The following VSTM1 variants were observed in gnomAD, a reference collection of about 807,000 sequenced individuals.
The protein encoded by VSTM1 is V-set and transmembrane domain containing 1.
Under a neutral mutation model 33.1 loss-of-function variants are expected in VSTM1, and 27 were observed. That is an observed-to-expected ratio of 0.82 (90% CI 0.60 to 1.12). The LOEUF (loss-of-function observed/expected upper bound fraction) is 1.12. Among genes scored for constraint, VSTM1 ranks in the 50% most tolerant of loss-of-function variants. VSTM1 has a pLI of 0.00. For synonymous variants in VSTM1, 115 were observed against 110.3 expected (o/e 1.04, Z -0.27); for missense variants, 304 against 288.9 (o/e 1.05, Z -0.38).
At chr19:54,048,177 G>T (rs1017698065) in intron 4 of VSTM1, among the ~76,000 whole-genome samples, 2 of 152,074 alleles carry the variant, frequency 1.3e-5, no homozygotes, top group Admixed American at 1.3e-4. Context: ...GTGCTGTGGC[G>T]CAATCACAGT....
At chr19:54,051,380 G>C in intron 4 of VSTM1, 30 bp downstream of exon 4, 2 of 1,584,474 alleles carry the variant, frequency 1.3e-6, no homozygotes, top group East Asian at 4.5e-5. Context: ...GATCTCATTG[G>C]GAAAAACATC....
At position 54,055,145 on chromosome 19, in the gene VSTM1, AGTTACCTGCACC is replaced by A. The variant is rs1471902203; in HGVS notation, c.355+3149_355+3160del. Among the ~76,000 whole-genome samples the A allele has an allele frequency of 2.2e-5, 3 of 139,158 alleles. 1 individual carries two copies. The highest frequency in any genetic ancestry group is 4.7e-5 in the Non-Finnish European group (3 of 63,604). The allele number at this position is 139,158 out of a possible 152,430, so 91.3% of individuals were successfully genotyped here. ...CTGTGGTCCTCATCATTTTTTTTTC[AGTTACCTGCACC>A]GTGCCTCCCATACTTTTCCACACAA... On this transcript the variant is annotated intron_variant, in intron 3 of 8. Transcript: ENST00000338372.
At chr19:54,041,729 C>T in intron 8 of VSTM1, 50 bp downstream of exon 8, 2 of 1,593,742 alleles carry the variant, frequency 1.3e-6, no homozygotes, top group East Asian at 2.2e-5. Context: ...ACACGACCAG[C>T]CCATTGTGGT....
intron 4 of VSTM1, among the ~76,000 whole-genome samples, chr19:54,049,584 C>T (rs755710223): frequency 6.6e-6 from 1 of 152,182 alleles, no homozygotes; most frequent in Middle Eastern, 3.2e-3. Flanking sequence ...CCTCCTCCCC[C>T]TCACACCTCA....
At position 54,042,277 on chromosome 19, in the gene VSTM1, T is replaced by G. The variant is rs2433724; in HGVS notation, c.487A>C (p.Ser163Arg). 5.0e-6 allele frequency: 8 copies of G among 1,613,272 alleles called. No homozygotes were observed. Among genetic ancestry groups the G allele is most frequent in the Non-Finnish European group, 6.8e-6 (8 of 1,179,838 alleles). Reference sequence around the variant, plus strand: ...CTCCCTTTGCGTTCTCTGAGCTCACTGTGCTGGCTGCATCTGTAGATGATG... The same window carrying G: ...CTCCCTTTGCGTTCTCTGAGCTCACGGTGCTGGCTGCATCTGTAGATGATG... ...VFIIYRCSQH[S>R]SSSEESTKRT... Residue 163 changes from serine (S) to arginine (R), a missense_variant and splice_region_variant, in exon 5 of 9, where the codon AGT (serine) becomes CGT (arginine). Transcript: ENST00000338372.
At chr19:54,051,318 CAAAT>C (rs140900569) in intron 4 of VSTM1, 88 bp downstream of exon 4, 63,794 of 1,120,408 alleles carry the variant, frequency 0.057, 2,303 homozygotes, top group Admixed American at 0.11. Context: ...AACAAACAAA[CAAAT>C]AAATAAAGTT....
intron 1 of VSTM1, among the ~76,000 whole-genome samples, chr19:54,061,035 T>TTTG (rs1568483961): frequency 6.9e-6 from 1 of 145,420 alleles, no homozygotes; most frequent in Non-Finnish European, 1.5e-5. Context: ...TTTTTTTTTT[T>TTTG]GACATGGAGT....
rs183590061 is a variant in VSTM1 at position 54,051,167 on chromosome 19, C to A, written c.394+243G>T. Among the ~76,000 whole-genome samples the A allele has an allele frequency of 3.2e-4, 49 of 152,162 alleles. No individual in the cohort carries two copies. In the East Asian group the frequency reaches 8.5e-3, roughly 26 times the overall value. On this transcript the variant is annotated intron_variant, in intron 4 of 8. Transcript: ENST00000338372. ...ATTAGCTGGGTGTGGTGGTGCGTGC[C>A]TGTAGTCCCAGCTATTCGGGAGGCT...
intron 4 of VSTM1, among the ~76,000 whole-genome samples, chr19:54,049,991 ATTT>A (rs11297678): frequency 8.1e-5 from 8 of 99,122 alleles, no homozygotes; most frequent in Admixed American, 1.2e-4. Context: ...TAACTTTTTA[ATTT>A]TTTTTTTTTT....
At chr19:54,042,952 A>G (rs1380603239) in intron 4 of VSTM1, among the ~76,000 whole-genome samples, 4 of 149,842 alleles carry the variant, frequency 2.7e-5, no homozygotes, top group African/African-American at 9.8e-5. Context: ...GGTTCAAACA[A>G]TTCTCCTGAC....
chr19:54,042,868 T>C (rs1363516087), intron 4 of VSTM1, among the ~76,000 whole-genome samples: 4 of 136,964 alleles, frequency 2.9e-5, no homozygotes, highest in Non-Finnish European at 4.7e-5. Flanking sequence ...ACACTTTTTT[T>C]TTTTTGAGAT....
At chr19:54,062,181 G>A (rs79085660) in intron 1 of VSTM1, among the ~76,000 whole-genome samples, 2,058 of 151,862 alleles carry the variant, frequency 0.014, 16 homozygotes, top group Non-Finnish European at 0.021. Flanking sequence ...GCCAAGAATT[G>A]TCAGCCATCA....
At chr19:54,059,119 G>T (rs1444631545) in intron 1 of VSTM1, among the ~76,000 whole-genome samples, 2 of 138,844 alleles carry the variant, frequency 1.4e-5, no homozygotes, top group African/African-American at 5.4e-5. Flanking sequence ...GGAGTGCAAT[G>T]ACATGATCTC....
intron 4 of VSTM1, 45 bp downstream of exon 4, chr19:54,051,365 A>G: frequency 6.6e-7 from 1 of 1,510,726 alleles, no homozygotes; most frequent in Non-Finnish European, 9.1e-7. Flanking sequence ...GGTGATCATG[A>G]AGCAGATCTC....
At chr19:54,056,859 C>T (rs1029980550) in intron 3 of VSTM1, among the ~76,000 whole-genome samples, 4 of 130,120 alleles carry the variant, frequency 3.1e-5, no homozygotes, top group Non-Finnish European at 5.0e-5. Flanking sequence ...CCTTCTTCTT[C>T]TTTTTTTTTT....
chr19:54,051,174 C>T (rs772315327), intron 4 of VSTM1, among the ~76,000 whole-genome samples: 1 of 152,038 alleles, frequency 6.6e-6, no homozygotes, highest in Non-Finnish European at 1.5e-5. Flanking sequence ...TGCCTGTAGT[C>T]CCAGCTATTC....
intron 6 of VSTM1, 55 bp from the exon 7 acceptor site, chr19:54,042,008 G>C: frequency 6.2e-7 from 1 of 1,611,880 alleles, no homozygotes. Context: ...CGGGGAGAGG[G>C]TGAGGGCAAT....
At chr19:54,055,325 GT>G (rs2071038208) in intron 3 of VSTM1, among the ~76,000 whole-genome samples, 1 of 142,094 alleles carries the variant, frequency 7.0e-6, no homozygotes. Context: ...GAAGCTCATT[GT>G]TTTTGTGACA....
chr19:54,041,999 G>A (rs1269111002), intron 6 of VSTM1, 46 bp from the exon 7 acceptor site: 10 of 1,613,356 alleles, frequency 6.2e-6, no homozygotes, highest in Non-Finnish European at 8.5e-6. Context: ...TGAAGATTTC[G>A]GGGAGAGGGT....
Sources: allele counts gnomAD v4.1 joint callset (sites outside exome capture counted in the v4.1 genomes callset), GRCh38; gene constraint gnomAD v4.1.1; transcripts MANE v1.5; gene names NCBI Gene and HGNC (gene_info 2026-07-23, HGNC 2026-07-21).